The following CSMD1 variants were observed in gnomAD, a reference collection of about 807,000 sequenced individuals.
CSMD1 encodes CUB and Sushi multiple domains 1, also known as CUB and sushi domain-containing protein 1.
CSMD1 carries 213 observed loss-of-function variants against 417.5 expected under a neutral mutation model. The observed-to-expected ratio is 0.51, with a 90% CI of 0.46 to 0.57. The LOEUF is 0.57. Among genes scored for constraint, CSMD1 ranks in the 20% least tolerant of loss-of-function variants. CSMD1 has a pLI of 0.00. For missense variants in CSMD1, 6,923 were observed against 4,529.7 expected, an observed-to-expected ratio of 1.53 and a Z score of -15.17; for synonymous variants, 2,862 against 1,736.8, an observed-to-expected ratio of 1.65 and a Z score of -16.11.
intron 2 of CSMD1, among the ~76,000 whole-genome samples, chr8:4,444,286 G>A (rs1408425878): frequency 1.4e-5 from 2 of 138,468 alleles, no homozygotes; most frequent in African/African-American, 2.6e-5. Context: ...GGTGGACGTT[G>A]CAGTGAACTG....
chr8:3,535,880 G>C (rs7844359), intron 10 of CSMD1, among the ~76,000 whole-genome samples: 1 of 151,954 alleles, frequency 6.6e-6, no homozygotes, highest in Non-Finnish European at 1.5e-5. Context: ...TAGAACTCTA[G>C]GCTGGCCACT....
At chr8:3,920,013 T>G (rs1436817759) in intron 5 of CSMD1, among the ~76,000 whole-genome samples, 5 of 152,034 alleles carry the variant, frequency 3.3e-5, no homozygotes, top group Non-Finnish European at 5.9e-5. Context: ...CTTTAGGATT[T>G]ACCAAATTTG....
chr8:4,944,471 C>T (rs1808230150), intron 1 of CSMD1, among the ~76,000 whole-genome samples: 1 of 152,262 alleles, frequency 6.6e-6, no homozygotes, highest in East Asian at 1.9e-4. Flanking sequence ...ATTTGACTAA[C>T]CCAGACACCA....
intron 2 of CSMD1, among the ~76,000 whole-genome samples, chr8:4,453,049 T>C (rs1799243333): frequency 6.6e-6 from 1 of 152,150 alleles, no homozygotes; most frequent in African/African-American, 2.4e-5. Flanking sequence ...TTCAAGCATG[T>C]TGTGCTAGGA....
chr8:3,616,306 G>T (rs1482213), intron 8 of CSMD1, among the ~76,000 whole-genome samples: 1 of 152,088 alleles, frequency 6.6e-6, no homozygotes, highest in Admixed American at 6.5e-5. Context: ...AGATCTGATG[G>T]TTTTTTAAGA....
intron 2 of CSMD1, among the ~76,000 whole-genome samples, chr8:4,546,505 T>C (rs1326217058): frequency 6.6e-6 from 1 of 152,026 alleles, no homozygotes; most frequent in African/African-American, 2.4e-5. Context: ...AGATAAACGG[T>C]GAATTTTCTC....
intron 30 of CSMD1, 69 bp downstream of exon 30, chr8:3,214,428 T>C: frequency 7.5e-7 from 1 of 1,326,654 alleles, no homozygotes; most frequent in East Asian, 2.5e-5. Flanking sequence ...TGTGAAACCA[T>C]TTCTTCAATG....
chr8:4,241,901 G>T (rs911212096), intron 3 of CSMD1, among the ~76,000 whole-genome samples: 1 of 152,120 alleles, frequency 6.6e-6, no homozygotes, highest in South Asian at 2.1e-4. Context: ...AAGGCATAAA[G>T]ACAACATCGT....
At chr8:4,819,743 A>T (rs1379459866) in intron 1 of CSMD1, among the ~76,000 whole-genome samples, 1 of 152,100 alleles carries the variant, frequency 6.6e-6, no homozygotes, top group African/African-American at 2.4e-5. Context: ...GAAAATGCTC[A>T]TGTAGAGAGG....
chr8:3,493,529 G>C (rs973210366), intron 11 of CSMD1, 94 bp downstream of exon 11: 1 of 1,048,298 alleles, frequency 9.5e-7, no homozygotes, highest in Non-Finnish European at 1.4e-6. Context: ...AAACACCTGA[G>C]GCCGAATTAC....
At chr8:3,221,232 C>G (rs1456247192) in intron 28 of CSMD1, among the ~76,000 whole-genome samples, 3 of 152,146 alleles carry the variant, frequency 2.0e-5, no homozygotes, top group African/African-American at 7.2e-5. Context: ...CAAGGATACC[C>G]TCACTCCACA....
chr8:4,950,888 G>T (rs964877335), intron 1 of CSMD1, among the ~76,000 whole-genome samples: 1 of 151,814 alleles, frequency 6.6e-6, no homozygotes, highest in Non-Finnish European at 1.5e-5. Context: ...TACCAGGGTG[G>T]CAAACAAATG....
At chr8:3,242,803 GGGGCGCAGAAATAAGGGGTT>G (rs1799630255) in intron 26 of CSMD1, among the ~76,000 whole-genome samples, 1 of 35,992 alleles carries the variant, frequency 2.8e-5, no homozygotes, top group Non-Finnish European at 7.4e-5. Flanking sequence ...GAAAGGGGTT[GGGGCGCAGAAATAAGGGGTT>G]GGGGCGCAGA....
intron 1 of CSMD1, among the ~76,000 whole-genome samples, chr8:4,645,044 G>A: frequency 6.6e-6 from 1 of 152,200 alleles, no homozygotes; most frequent in Admixed American, 6.5e-5. Flanking sequence ...ACATTAGGAT[G>A]CAGGTGATAT....
At chr8:4,348,520 A>G (rs933174889) in intron 3 of CSMD1, among the ~76,000 whole-genome samples, 3 of 149,870 alleles carry the variant, frequency 2.0e-5, no homozygotes, top group African/African-American at 7.3e-5. Context: ...ATCTGCAAAG[A>G]TTTTGAGAGT....
chr8:4,749,912 T>G (rs1238225536), intron 1 of CSMD1, among the ~76,000 whole-genome samples: 1 of 152,094 alleles, frequency 6.6e-6, no homozygotes, highest in Admixed American at 6.6e-5. Context: ...GTCTCTAGAT[T>G]GTCAAGCGCC....
At chr8:4,336,321 G>T (rs948008794) in intron 3 of CSMD1, among the ~76,000 whole-genome samples, 2 of 152,098 alleles carry the variant, frequency 1.3e-5, no homozygotes, top group Non-Finnish European at 2.9e-5. Context: ...TCTGTAGAAA[G>T]GCACATTTTT....
At chr8:4,693,772 G>A (rs552777703) in intron 1 of CSMD1, among the ~76,000 whole-genome samples, 2 of 17,638 alleles carry the variant, frequency 1.1e-4, no homozygotes, top group South Asian at 4.5e-3. Flanking sequence ...AAATTCCTAG[G>A]CTCAAGCCAT....
intron 1 of CSMD1, among the ~76,000 whole-genome samples, chr8:4,979,396 G>A (rs144849992): frequency 1.4e-3 from 219 of 152,210 alleles, no homozygotes; most frequent in African/African-American, 5.1e-3. Flanking sequence ...CATTTTCCAC[G>A]GCCACACTAT....
Sources: allele counts gnomAD v4.1 joint callset (sites outside exome capture counted in the v4.1 genomes callset), GRCh38; gene constraint gnomAD v4.1.1; transcripts MANE v1.5; gene names NCBI Gene and HGNC (gene_info 2026-07-23, HGNC 2026-07-21).